The following KLHL15 variants were observed in gnomAD, a reference collection of about 807,000 sequenced individuals.
KLHL15 encodes kelch-like protein 15.
Under a neutral mutation model 29.3 loss-of-function variants are expected in KLHL15, and 1 was observed. That is an observed-to-expected ratio of 0.03 (90% CI 0.01 to 0.16). The LOEUF (loss-of-function observed/expected upper bound fraction) is 0.16. Among genes scored for constraint, KLHL15 ranks in the 10% least tolerant of loss-of-function variants. The pLI is 1.00. For synonymous variants in KLHL15, 212 were observed against 184.5 expected (o/e 1.15, Z -1.21); for missense variants, 215 against 478.5 (o/e 0.45, Z 5.14).
intron 2 of KLHL15, among the ~76,000 whole-genome samples, chrX:24,022,120 C>T (rs1163708086): frequency 1.8e-5 from 2 of 110,155 alleles, no homozygotes; most frequent in Non-Finnish European, 3.8e-5. Flanking sequence ...GGGCGGATCA[C>T]TTGAAGTCAG....
intron 2 of KLHL15, among the ~76,000 whole-genome samples, chrX:24,020,274 C>T (rs1929776809): frequency 8.9e-6 from 1 of 112,210 alleles, no homozygotes; most frequent in Non-Finnish European, 1.9e-5. Flanking sequence ...TCTCAACATA[C>T]CAATATAAAA....
intron 2 of KLHL15, among the ~76,000 whole-genome samples, chrX:24,024,321 AC>A (rs1929874244): frequency 8.9e-6 from 1 of 111,982 alleles, no homozygotes. Context: ...TAACCACTCT[AC>A]CAAAGGTTAC....
chrX:24,015,278 C>A (rs776439348), intron 2 of KLHL15, among the ~76,000 whole-genome samples: 15 of 111,677 alleles, frequency 1.3e-4, no homozygotes, highest in Non-Finnish European at 2.4e-4. Flanking sequence ...AATTCTCATT[C>A]TTTTTATATG....
At chrX:23,990,313 G>A (rs1165079897) in intron 3 of KLHL15, among the ~76,000 whole-genome samples, 1 of 111,084 alleles carries the variant, frequency 9.0e-6, no homozygotes, top group African/African-American at 3.3e-5. Flanking sequence ...TGACAATTAG[G>A]TATGAAGCCA....
chrX:24,015,327 TTAAA>T (rs1478339574), intron 2 of KLHL15, among the ~76,000 whole-genome samples: 1 of 112,278 alleles, frequency 8.9e-6, no homozygotes, highest in Admixed American at 9.5e-5. Flanking sequence ...CACATGCCAG[TTAAA>T]TAAACTATAG....
At chrX:23,991,480 T>C (rs1929084109) in intron 3 of KLHL15, among the ~76,000 whole-genome samples, 2 of 109,390 alleles carry the variant, frequency 1.8e-5, no homozygotes, top group African/African-American at 6.7e-5. Flanking sequence ...GATCATGCCA[T>C]TGCACTGCAG....
chrX:24,025,897 G>A (rs768566361), intron 1 of KLHL15, among the ~76,000 whole-genome samples: 1 of 110,983 alleles, frequency 9.0e-6, no homozygotes, highest in East Asian at 2.9e-4. Context: ...AGGACACTCA[G>A]CTGTCCTCGT....
chrX:24,013,819 G>A (rs1929622340), intron 2 of KLHL15, among the ~76,000 whole-genome samples: 1 of 110,074 alleles, frequency 9.1e-6, no homozygotes, highest in South Asian at 3.8e-4. Flanking sequence ...ACAAGCCTAA[G>A]CAACATAGCG....
At chrX:23,991,494 G>A (rs1363186830) in intron 3 of KLHL15, among the ~76,000 whole-genome samples, 1 of 110,338 alleles carries the variant, frequency 9.1e-6, no homozygotes, top group Non-Finnish European at 1.9e-5. Flanking sequence ...ACTGCAGCCT[G>A]GGCAACAACA....
rs146866972 is a variant in KLHL15 at position 23,988,276 on chromosome X, T to C, written c.1460A>G (p.Asn487Ser). 3.3e-6 allele frequency: 4 copies of C among 1,209,452 alleles called. No homozygotes were observed. Among genetic ancestry groups the C allele is most frequent in the South Asian group, 1.8e-5 (1 of 56,721 alleles). The change falls in exon 4 of 4, where the codon AAT becomes AGT. Residue 487 changes from asparagine (N) to serine (S), a missense_variant. Coordinates refer to ENST00000328046, the MANE Select transcript of KLHL15 (RefSeq NM_030624.3). ...ARCFHKMISY[N>S]GKLYVFGGVC... ...ACCACCGAAGACATAAAGCTTGCCATTGTAAGAAATCATCTTGTGAAAGCA... is the reference window on the plus strand; with the variant it reads ...ACCACCGAAGACATAAAGCTTGCCACTGTAAGAAATCATCTTGTGAAAGCA...
intron 3 of KLHL15, among the ~76,000 whole-genome samples, chrX:23,997,858 G>A (rs184235566): frequency 0.024 from 2,598 of 108,330 alleles, 96 homozygotes; most frequent in African/African-American, 0.082. Flanking sequence ...GCGGGAGGAC[G>A]GCTTGATGCC....
chrX:24,013,544 G>T (rs1208726481), intron 2 of KLHL15, among the ~76,000 whole-genome samples: 3 of 111,004 alleles, frequency 2.7e-5, no homozygotes, highest in Non-Finnish European at 3.8e-5. Flanking sequence ...GATTACAGGC[G>T]TAAGCCACCA....
At chrX:24,007,323 A>G (rs1220881213) in intron 2 of KLHL15, among the ~76,000 whole-genome samples, 1 of 106,756 alleles carries the variant, frequency 9.4e-6, no homozygotes, top group Non-Finnish European at 1.9e-5. Context: ...TGAAACTCCA[A>G]CTCTACTAAA....
chrX:24,025,285 C>T (rs1274019296), intron 1 of KLHL15, among the ~76,000 whole-genome samples: 1 of 108,879 alleles, frequency 9.2e-6, no homozygotes, highest in Non-Finnish European at 1.9e-5. Context: ...CGTCTCTGGG[C>T]TTCTGCCCCG....
intron 2 of KLHL15, among the ~76,000 whole-genome samples, chrX:24,007,310 C>T (rs1929465350): frequency 1.9e-5 from 2 of 107,611 alleles, no homozygotes; most frequent in South Asian, 8.0e-4. Context: ...CTGATCAATA[C>T]GATGAAACTC....
Position 24,006,317 on chromosome X carries a change from G to A in KLHL15, c.377C>T (p.Ala126Val). Residue 126 changes from alanine (A) to valine (V), a missense_variant, in exon 3 of 4, where the codon GCG becomes GTG. Physicochemically the swap from Ala to Val is moderately conservative, Grantham distance 64 (BLOSUM62 0). Transcript: ENST00000328046. ...VVKFCCSFLLAKICLENCAEI... is the reference protein window; with the variant it reads ...VVKFCCSFLLVKICLENCAEI... ...TGCACAATTTTCTAGGCAGATCTTC[G>A]CTAAGAGAAAAGAGCAGCAGAACTT... The A allele has an allele frequency of 1.7e-6, 2 of 1,211,362 alleles. No individual in the cohort carries two copies. Among genetic ancestry groups the A allele is most frequent in the Non-Finnish European group, 1.1e-6 (1 of 895,276 alleles).
At chrX:24,021,356 T>G (rs1035374662) in intron 2 of KLHL15, among the ~76,000 whole-genome samples, 7 of 111,396 alleles carry the variant, frequency 6.3e-5, no homozygotes, top group African/African-American at 2.3e-4. Context: ...GGGTCTTTGG[T>G]GTCATTTCAG....
chrX:23,987,697 T>G lies in KLHL15; in HGVS notation c.*224A>C. On this transcript the variant is annotated 3_prime_UTR_variant, in exon 4 of 4. Transcript: ENST00000328046. The stretch of plus-strand genomic sequence containing the variant: ...AAGTGGAGCATTCTATTCAACTGCT[T>G]CTGGAAGTAGTTTCAAGAGCTAGCA... The G allele has an allele frequency of 2.9e-6, 1 of 350,710 alleles. No homozygotes were observed. The highest frequency in any genetic ancestry group is 4.9e-6 in the Non-Finnish European group (1 of 203,418). 28.9% of individuals were successfully genotyped at this position (350,710 alleles called of 1,213,427 possible). A position where few individuals can be genotyped will look rare whatever the true frequency, so the allele number is the denominator to read the frequency against.
intron 3 of KLHL15, among the ~76,000 whole-genome samples, chrX:23,994,458 GA>G (rs1331624949): frequency 8.9e-6 from 1 of 112,324 alleles, no homozygotes; most frequent in Non-Finnish European, 1.9e-5. Context: ...ATGCAGCTGT[GA>G]AAAAGAGTGA....
Sources: allele counts gnomAD v4.1 joint callset (sites outside exome capture counted in the v4.1 genomes callset), GRCh38; gene constraint gnomAD v4.1.1; transcripts MANE v1.5; gene names NCBI Gene and HGNC (gene_info 2026-07-23, HGNC 2026-07-21).